The following TUSC3 variants were observed in gnomAD, a reference collection of about 807,000 sequenced individuals.
TUSC3 encodes dolichyl-diphosphooligosaccharide--protein glycosyltransferase subunit TUSC3.
A neutral mutation model predicts 44.8 loss-of-function variants in TUSC3; 45 were observed. The observed-to-expected ratio is 1.00, with a 90% confidence interval of 0.79 to 1.29. TUSC3 has a LOEUF of 1.29. Ranked by LOEUF, TUSC3 falls within the 50% of genes most tolerant of loss-of-function variation. The probability of loss-of-function intolerance (pLI) is 0.00; values close to 1 mark genes in which losing one functional copy is unlikely to be tolerated. For synonymous variants in TUSC3, 212 were observed against 152.9 expected (o/e 1.39, Z -2.85); for missense variants, 519 against 437.9 (o/e 1.19, Z -1.65).
At chr8:15,719,514 CACCACACACA>C (rs146027972) in intron 6 of TUSC3, among the ~76,000 whole-genome samples, 98,431 of 133,756 alleles carry the variant, frequency 0.74, 35,389 homozygotes, top group Non-Finnish European at 0.82. Context: ...CACACACACA[CACCACACACA>C]CACACACACA....
chr8:15,749,857 T>G (rs1339530338), intron 9 of TUSC3, among the ~76,000 whole-genome samples: 1 of 146,208 alleles, frequency 6.8e-6, no homozygotes, highest in East Asian at 2.0e-4. Context: ...ATCCTCTGTA[T>G]TTTATCTAGG....
At chr8:15,672,648 T>G (rs182494147) in intron 5 of TUSC3, among the ~76,000 whole-genome samples, 13 of 152,202 alleles carry the variant, frequency 8.5e-5, no homozygotes, top group Non-Finnish European at 4.4e-5. Flanking sequence ...CTTGGGTAGA[T>G]ACTCCTGTTT....
intron 5 of TUSC3, among the ~76,000 whole-genome samples, chr8:15,669,234 C>T (rs555125335): frequency 6.6e-6 from 1 of 151,806 alleles, no homozygotes. Flanking sequence ...TCTTCATACT[C>T]CAGTATGGAT....
At chr8:15,582,282 G>A (rs575830747) in intron 1 of TUSC3, among the ~76,000 whole-genome samples, 5 of 152,180 alleles carry the variant, frequency 3.3e-5, no homozygotes, top group Non-Finnish European at 5.9e-5. Flanking sequence ...GGTCGCTCAC[G>A]CTGGGAGCTG....
At chr8:15,738,833 T>TTTTTCTTTCTTTC (rs1222970660) in intron 7 of TUSC3, among the ~76,000 whole-genome samples, 1 of 126,886 alleles carries the variant, frequency 7.9e-6, no homozygotes, top group African/African-American at 2.9e-5. Flanking sequence ...CTTGCTTTTT[T>TTTTTCTTTCTTTC]TTTTTTTTTT....
At chr8:15,647,900 G>A (rs1469223763) in intron 2 of TUSC3, among the ~76,000 whole-genome samples, 3 of 152,024 alleles carry the variant, frequency 2.0e-5, no homozygotes, top group African/African-American at 7.3e-5. Context: ...ACTTGTTTAG[G>A]AAACTTTTTT....
At chr8:15,641,183 A>AC (rs1806349441) in intron 2 of TUSC3, among the ~76,000 whole-genome samples, 1 of 151,320 alleles carries the variant, frequency 6.6e-6, no homozygotes, top group Admixed American at 6.6e-5. Context: ...ACATGGTGAA[A>AC]CCCCTGTCTC....
At chr8:15,615,233 G>A (rs1423648345) in intron 1 of TUSC3, among the ~76,000 whole-genome samples, 1 of 152,158 alleles carries the variant, frequency 6.6e-6, no homozygotes, top group African/African-American at 2.4e-5. Context: ...TAGATGAATG[G>A]ATAACAAAAG....
At chr8:15,570,635 T>C (rs1252525952) in intron 1 of TUSC3, among the ~76,000 whole-genome samples, 1 of 152,130 alleles carries the variant, frequency 6.6e-6, no homozygotes, top group East Asian at 1.9e-4. Context: ...CTATTTTACA[T>C]GTATTATTTC....
At position 15,523,686 on chromosome 8, in the gene TUSC3, G is replaced by GTA. The variant is rs1239992834; in HGVS notation, n.189+40204_189+40205insAT. ...TATATGTGTGTGTGTGTGTGTGTGT[G>GTA]TGTGTGTGTGTGTGTGTGTGTGTAT... is the stretch of plus-strand genomic sequence containing the variant. On this transcript the variant is annotated intron_variant and non_coding_transcript_variant, in intron 2 of 5. Coordinates refer to the TUSC3 transcript ENST00000503191. 4.3e-4 allele frequency among the ~76,000 whole-genome samples: 20 copies of GTA among 46,084 alleles called. 1 individual carries two copies. Among genetic ancestry groups the GTA allele is most frequent in the East Asian group, 1.7e-3 (3 of 1,790 alleles). 30.2% of individuals were successfully genotyped at this position (46,084 alleles called of 152,430 possible). A position where few individuals can be genotyped will look rare whatever the true frequency, so the allele number is the denominator to read the frequency against.
intron 9 of TUSC3, among the ~76,000 whole-genome samples, chr8:15,754,006 G>A (rs949865210): frequency 7.2e-5 from 11 of 152,054 alleles, no homozygotes; most frequent in Non-Finnish European, 1.5e-4. Flanking sequence ...GAATTATCCT[G>A]TGGTGAACAT....
intron 2 of TUSC3, among the ~76,000 whole-genome samples, chr8:15,506,882 G>C (rs1201857535): frequency 1.3e-5 from 2 of 152,200 alleles, no homozygotes; most frequent in Non-Finnish European, 2.9e-5. Flanking sequence ...GAGAAGCCAG[G>C]AAGAATGTAG....
chr8:15,597,995 G>T (rs778938480), intron 1 of TUSC3, among the ~76,000 whole-genome samples: 1 of 151,982 alleles, frequency 6.6e-6, no homozygotes. Context: ...GTGTCCTAGC[G>T]TTGATATTTT....
intron 1 of TUSC3, among the ~76,000 whole-genome samples, chr8:15,585,335 C>G (rs1273737850): frequency 6.6e-6 from 1 of 152,150 alleles, no homozygotes; most frequent in Non-Finnish European, 1.5e-5. Context: ...CACCAATGCA[C>G]CACAATGTAG....
intron 2 of TUSC3, among the ~76,000 whole-genome samples, chr8:15,628,673 C>T (rs1310060661): frequency 6.6e-6 from 1 of 152,094 alleles, no homozygotes; most frequent in Non-Finnish European, 1.5e-5. Flanking sequence ...CACTGAGAAG[C>T]AATGGAAATG....
chr8:15,761,046 A>G (rs1812151023), intron 10 of TUSC3, among the ~76,000 whole-genome samples: 1 of 152,206 alleles, frequency 6.6e-6, no homozygotes. Context: ...ATTTTCTGCA[A>G]CATGCTTCTA....
chr8:15,669,639 A>G (rs559519660), intron 5 of TUSC3, among the ~76,000 whole-genome samples: 3 of 152,012 alleles, frequency 2.0e-5, no homozygotes, highest in Non-Finnish European at 4.4e-5. Context: ...TGATACATGC[A>G]TATCAGCACT....
At chr8:15,517,959 A>C (rs2129128995) in intron 2 of TUSC3, among the ~76,000 whole-genome samples, 1 of 149,632 alleles carries the variant, frequency 6.7e-6, no homozygotes, top group Admixed American at 6.8e-5. Context: ...ATTTGAAAAC[A>C]TCCTTACAAC....
At chr8:15,688,593 C>CGG (rs1808744044) in intron 6 of TUSC3, among the ~76,000 whole-genome samples, 1 of 152,022 alleles carries the variant, frequency 6.6e-6, no homozygotes, top group Non-Finnish European at 1.5e-5. Context: ...CTCAAGTATA[C>CGG]CCTAGTATCT....
Sources: allele counts gnomAD v4.1 joint callset (sites outside exome capture counted in the v4.1 genomes callset), GRCh38; gene constraint gnomAD v4.1.1; transcripts MANE v1.5; gene names NCBI Gene and HGNC (gene_info 2026-07-23, HGNC 2026-07-21).